ENTPD1: variants seen among roughly 807,000 people sequenced by gnomAD.
The protein encoded by ENTPD1 is ectonucleoside triphosphate diphosphohydrolase 1, also known as ATP diphosphohydrolase.
A neutral mutation model predicts 57.0 loss-of-function variants in ENTPD1; 33 were observed. The observed-to-expected ratio is 0.58, with a 90% CI of 0.44 to 0.77. The LOEUF (loss-of-function observed/expected upper bound fraction) is 0.77. Ranked by LOEUF, ENTPD1 falls within the 30% of genes least tolerant of loss-of-function variation. ENTPD1 has a pLI of 0.00. For missense variants in ENTPD1, 501 were observed against 603.4 expected (o/e 0.83, Z 1.78); for synonymous variants, 202 against 218.8 (o/e 0.92, Z 0.68).
chr10:95,796,194 C>T (rs1031742116), intron 1 of ENTPD1, among the ~76,000 whole-genome samples: 3 of 152,214 alleles, frequency 2.0e-5, no homozygotes, highest in African/African-American at 7.2e-5. Context: ...AGGCCAAACC[C>T]TTTGCTGGGC....
chr10:95,707,575 T>C (rs1035883938), upstream of ENTPD1, among the ~76,000 whole-genome samples: 2 of 152,222 alleles, frequency 1.3e-5, no homozygotes, highest in African/African-American at 4.8e-5. Context: ...TAGGGTTACA[T>C]GGGCAGGCTC....
chr10:95,874,605 T>C lies in ENTPD1; in HGVS notation c.*8222T>C, dbSNP rs538376266. Among the ~76,000 whole-genome samples, 3 of 152,306 alleles carry C rather than the reference T, an allele frequency of 2.0e-5. No homozygotes were observed. The highest frequency in any genetic ancestry group is 2.1e-4 in the South Asian group (1 of 4,820). ...GTCTACCGTTCTGGGACTGTGGCCT[T>C]CTTCTCACAGCTCCACTAGGCAGTG... is the stretch of plus-strand genomic sequence containing the variant. On this transcript the variant is annotated 3_prime_UTR_variant, in exon 10 of 10. Transcript: ENST00000371205.
chr10:95,851,764 A>AT lies in ENTPD1; in HGVS notation c.1074+4064dup, dbSNP rs1258267974. 3.3e-5 allele frequency among the ~76,000 whole-genome samples: 5 copies of AT among 151,996 alleles called. No individual in the cohort carries two copies. The East Asian group carries it at 9.7e-4, about 29-fold the overall frequency. ...TCCCTGCAAAGGACATGAACTCATC[A>AT]TTTTTTATGGCTGCATAGTATTCCA... On this transcript the variant is annotated intron_variant, in intron 7 of 9. Coordinates refer to ENST00000371205, the MANE Select transcript of ENTPD1 (RefSeq NM_001776.6).
chr10:95,777,262 G>A (rs970925180), intron 1 of ENTPD1, among the ~76,000 whole-genome samples: 8 of 152,184 alleles, frequency 5.3e-5, no homozygotes, highest in Non-Finnish European at 2.9e-5. Flanking sequence ...CCCCATCTTT[G>A]TGGTTTTAAT....
chr10:95,700,946 C>T, the ENTPD1 span, among the ~76,000 whole-genome samples: 684 of 152,180 alleles, frequency 4.5e-3, 2 homozygotes, highest in Middle Eastern at 0.02. Context: ...GTGCCCACCA[C>T]CACGCCTGGC....
chr10:95,702,574 A>G, the ENTPD1 span, among the ~76,000 whole-genome samples: 1 of 152,198 alleles, frequency 6.6e-6, no homozygotes, highest in South Asian at 2.1e-4. Context: ...GGGTAGACAC[A>G]GCAATATATT....
rs1228799325 is a variant in ENTPD1, at chr10:95,714,967, C to T, written c.37+2974C>T. ...TTGGAATTGTTTTGCAAAAGGACAACGGGAATGAAAAGAATCGTTAAGTTT... is the reference window on the plus strand; with the variant it reads ...TTGGAATTGTTTTGCAAAAGGACAATGGGAATGAAAAGAATCGTTAAGTTT... On this transcript the variant is annotated intron_variant, in intron 1 of 9. Transcript: ENST00000453258. Among the ~76,000 whole-genome samples the T allele has an allele frequency of 7.9e-5, 12 of 152,206 alleles. 1 individual carries two copies. The highest frequency in any genetic ancestry group is 7.2e-4 in the Admixed American group (11 of 15,290).
At chr10:95,713,863 C>T (rs896739502) in intron 1 of ENTPD1, among the ~76,000 whole-genome samples, 2 of 152,174 alleles carry the variant, frequency 1.3e-5, no homozygotes, top group Non-Finnish European at 2.9e-5. Context: ...ATCCATATAG[C>T]CATCCATCCA....
intron 1 of ENTPD1, among the ~76,000 whole-genome samples, chr10:95,758,666 T>G (rs2098041618): frequency 6.6e-6 from 1 of 152,178 alleles, no homozygotes; most frequent in South Asian, 2.1e-4. Context: ...TGCAATTTTA[T>G]TTTTAGTCTC....
chr10:95,754,345 T>A (rs1343993885), upstream of ENTPD1: 2 of 149,502 alleles, frequency 1.3e-5, no homozygotes, highest in African/African-American at 2.5e-5. Flanking sequence ...AATATCCTAA[T>A]GTAATAAAGT....
At position 95,867,839 on chromosome 10, in the gene ENTPD1, A is replaced by C; in HGVS notation, c.*1456A>C. 1 of 985,462 alleles carries C rather than the reference A, an allele frequency of 1.0e-6. No individual in the cohort carries two copies. The highest frequency in any genetic ancestry group is 1.2e-6 in the Non-Finnish European group (1 of 829,926). 61.0% of individuals were successfully genotyped at this position (985,462 alleles called of 1,614,324 possible). Reference sequence around the variant, plus strand: ...ACAAACCGGAAGCCAAATGTCCCCTATCTCTTGAATGATCAAGTCACTTTT... The same window carrying C: ...ACAAACCGGAAGCCAAATGTCCCCTCTCTCTTGAATGATCAAGTCACTTTT... On this transcript the variant is annotated 3_prime_UTR_variant, in exon 10 of 10. Coordinates refer to ENST00000371205, the MANE Select transcript of ENTPD1 (RefSeq NM_001776.6).
At chr10:95,805,968 C>G (rs1245136598) in intron 1 of ENTPD1, among the ~76,000 whole-genome samples, 1 of 152,116 alleles carries the variant, frequency 6.6e-6, no homozygotes, top group African/African-American at 2.4e-5. Flanking sequence ...AATTATGTAT[C>G]TTGGGGTTGC....
At position 95,873,299 on chromosome 10, in the gene ENTPD1, G is replaced by A; in HGVS notation, c.*6916G>A. The stretch of plus-strand genomic sequence containing the variant: ...GTTCCACAGCAGGCCAGCTAACGTG[G>A]TATTTACAAAGCTCACTCCTCTTAT... On this transcript the variant is annotated 3_prime_UTR_variant, in exon 10 of 10. Coordinates refer to ENST00000371205, the MANE Select transcript of ENTPD1 (RefSeq NM_001776.6). The A allele has an allele frequency of 1.0e-6, 1 of 985,402 alleles. No individual in the cohort carries two copies. The highest frequency in any genetic ancestry group is 1.2e-6 in the Non-Finnish European group (1 of 829,944). The allele number at this position is 985,402 out of a possible 1,614,324, so 61.0% of individuals were successfully genotyped here.
intron 1 of ENTPD1, among the ~76,000 whole-genome samples, chr10:95,759,211 T>C (rs1427690636): frequency 2.0e-5 from 3 of 152,236 alleles, no homozygotes; most frequent in Admixed American, 6.5e-5. Flanking sequence ...GGTTCCCCAC[T>C]GGTACATATA....
At position 95,868,781 on chromosome 10, in the gene ENTPD1, C is replaced by T. The variant is rs1024062929; in HGVS notation, c.*2398C>T. ...CAAGTTGGAATTAGACTTCACAAGT[C>T]TCCTTCAGAGAACACAAATCTTTTC... On this transcript the variant is annotated 3_prime_UTR_variant, in exon 10 of 10. Coordinates refer to ENST00000371205, the MANE Select transcript of ENTPD1 (RefSeq NM_001776.6). The T allele has an allele frequency of 1.0e-5, 10 of 985,260 alleles. No homozygotes were observed. Among genetic ancestry groups the T allele is most frequent in the African/African-American group, 1.7e-5 (1 of 57,224 alleles). 61.0% of individuals were successfully genotyped at this position (985,260 alleles called of 1,614,324 possible). A position where few individuals can be genotyped will look rare whatever the true frequency, so the allele number is the denominator to read the frequency against.
At chr10:95,862,893 C>T (rs920265879) in intron 8 of ENTPD1, among the ~76,000 whole-genome samples, 13 of 152,134 alleles carry the variant, frequency 8.5e-5, no homozygotes, top group Admixed American at 7.9e-4. Flanking sequence ...TCCATCAATG[C>T]CCCTTTATGT....
chr10:95,774,051 T>G (rs900433558), intron 1 of ENTPD1, among the ~76,000 whole-genome samples: 2 of 152,228 alleles, frequency 1.3e-5, no homozygotes, highest in African/African-American at 4.8e-5. Flanking sequence ...TGGTATCTCA[T>G]TGTGGTTTTG....
At chr10:95,805,360 A>T (rs953277069) in intron 1 of ENTPD1, among the ~76,000 whole-genome samples, 5 of 151,754 alleles carry the variant, frequency 3.3e-5, no homozygotes, top group Non-Finnish European at 7.4e-5. Context: ...TCCTCCATCC[A>T]TTTATTTTGA....
chr10:95,705,567 C>T, the ENTPD1 span, among the ~76,000 whole-genome samples: 2 of 152,156 alleles, frequency 1.3e-5, no homozygotes, highest in African/African-American at 4.8e-5. Flanking sequence ...ACTCGGCTCA[C>T]TGCAACCTCC....
Sources: gnomAD v4.1 joint callset for allele counts (sites outside exome capture counted in the v4.1 genomes callset) on GRCh38, gnomAD v4.1.1 for gene constraint, MANE v1.5 for transcripts, NCBI Gene and HGNC (gene_info 2026-07-23, HGNC 2026-07-21) for gene names.